DEPTOR: variants seen among roughly 807,000 people sequenced by gnomAD.
DEPTOR encodes DEP domain-containing mTOR-interacting protein.
In DEPTOR, 41 loss-of-function variants were observed where a neutral mutation model predicts 41.6. The observed-to-expected ratio is 0.98, with a 90% CI of 0.77 to 1.28. DEPTOR has a LOEUF of 1.28. DEPTOR is among the 50% of genes most tolerant of loss of function. The probability of loss-of-function intolerance (pLI) is 0.00; values close to 1 mark genes in which losing one functional copy is unlikely to be tolerated. For synonymous variants in DEPTOR, 195 were observed against 192.3 expected (o/e 1.01, Z -0.12); for missense variants, 514 against 527.9 (o/e 0.97, Z 0.26).
chr8:119,947,240 A>G (rs1828291504), intron 3 of DEPTOR, among the ~76,000 whole-genome samples: 1 of 152,236 alleles, frequency 6.6e-6, no homozygotes, highest in Non-Finnish European at 1.5e-5. Flanking sequence ...AAAGGGGGAC[A>G]AGGTAATTGA....
chr8:119,988,826 A>G (rs1207549712), intron 4 of DEPTOR, among the ~76,000 whole-genome samples: 12 of 152,154 alleles, frequency 7.9e-5, no homozygotes, highest in South Asian at 2.1e-4. Flanking sequence ...CCTCCAATTC[A>G]TTTTATAGAT....
chr8:119,906,107 C>T (rs1449241183), intron 1 of DEPTOR, among the ~76,000 whole-genome samples: 2 of 152,072 alleles, frequency 1.3e-5, no homozygotes, highest in Non-Finnish European at 2.9e-5. Flanking sequence ...GTAACAGTTA[C>T]ACACATGTAC....
chr8:119,949,215 T>C (rs773016912), intron 3 of DEPTOR, among the ~76,000 whole-genome samples: 1 of 152,268 alleles, frequency 6.6e-6, no homozygotes, highest in Non-Finnish European at 1.5e-5. Flanking sequence ...AGTACTTCAC[T>C]TCTGTTTATA....
intron 8 of DEPTOR, among the ~76,000 whole-genome samples, chr8:120,036,433 GTGTT>G (rs546588643): frequency 4.7e-4 from 72 of 152,292 alleles, no homozygotes; most frequent in African/African-American, 1.7e-3. Context: ...AGAGAATTCT[GTGTT>G]TGTCCAAGAA....
chr8:119,919,365 A>G (rs969837068), intron 1 of DEPTOR, among the ~76,000 whole-genome samples: 4 of 152,168 alleles, frequency 2.6e-5, no homozygotes, highest in African/African-American at 7.2e-5. Flanking sequence ...TGATCAGTTC[A>G]TTGCCAGTTA....
chr8:120,027,476 G>A (rs1311902948), intron 8 of DEPTOR, among the ~76,000 whole-genome samples: 6 of 151,440 alleles, frequency 4.0e-5, no homozygotes, highest in Admixed American at 2.6e-4. Flanking sequence ...AGGGAGAGGC[G>A]GGTGGATCAC....
chr8:119,958,172 A>G lies in DEPTOR; in HGVS notation c.426-7060A>G, dbSNP rs1185100391. 6.6e-5 allele frequency among the ~76,000 whole-genome samples: 10 copies of G among 152,274 alleles called. No individual in the cohort carries two copies. In the East Asian group the frequency reaches 7.7e-4, roughly 12 times the overall value. ...ACATGGTTTGCGTGGTGGTTACTCT[A>G]TTGGTTTCATGTGGGCACATTCATC... On this transcript the variant is annotated intron_variant, in intron 3 of 8. Coordinates refer to ENST00000286234, the MANE Select transcript of DEPTOR (RefSeq NM_022783.4).
At chr8:119,916,452 G>A (rs1827817119) in intron 1 of DEPTOR, among the ~76,000 whole-genome samples, 1 of 152,196 alleles carries the variant, frequency 6.6e-6, no homozygotes. Context: ...AGCTCTGATA[G>A]TGTATTATGG....
intron 4 of DEPTOR, among the ~76,000 whole-genome samples, chr8:119,994,314 A>G (rs1249464295): frequency 6.6e-6 from 1 of 152,148 alleles, no homozygotes; most frequent in East Asian, 1.9e-4. Flanking sequence ...AAAAAGGTGT[A>G]CAAAAAAAAT....
At chr8:119,972,567 G>A (rs1339694566) in intron 4 of DEPTOR, among the ~76,000 whole-genome samples, 1 of 151,328 alleles carries the variant, frequency 6.6e-6, no homozygotes, top group African/African-American at 2.4e-5. Context: ...AGGTTGCAGT[G>A]AGCCGAGATC....
intron 6 of DEPTOR, among the ~76,000 whole-genome samples, chr8:120,005,768 C>T (rs965218017): frequency 3.3e-5 from 5 of 152,106 alleles, no homozygotes; most frequent in African/African-American, 1.2e-4. Context: ...GGTTCATTAT[C>T]GGTGGGTTTT....
intron 1 of DEPTOR, among the ~76,000 whole-genome samples, chr8:119,925,951 G>A (rs921195024): frequency 1.3e-5 from 2 of 152,132 alleles, no homozygotes; most frequent in African/African-American, 4.8e-5. Flanking sequence ...ATGTCTATGT[G>A]TTCACAATGT....
chr8:119,881,030 A>G (rs1445242404), intron 1 of DEPTOR, among the ~76,000 whole-genome samples: 1 of 152,240 alleles, frequency 6.6e-6, no homozygotes, highest in African/African-American at 2.4e-5. Context: ...GCAACTTACT[A>G]GGCTATGAAT....
chr8:119,943,236 T>C (rs1828226851), intron 3 of DEPTOR, among the ~76,000 whole-genome samples: 1 of 152,194 alleles, frequency 6.6e-6, no homozygotes, highest in Admixed American at 6.5e-5. Flanking sequence ...CTCCCTGCCA[T>C]TGAAGGCCAC....
intron 1 of DEPTOR, among the ~76,000 whole-genome samples, chr8:119,923,882 C>CT (rs1563966803): frequency 9.1e-6 from 1 of 109,576 alleles, no homozygotes. Flanking sequence ...CCTTTCTTTT[C>CT]TTTTTTCTTT....
intron 1 of DEPTOR, among the ~76,000 whole-genome samples, chr8:119,908,916 A>G (rs1296220710): frequency 6.6e-6 from 1 of 152,204 alleles, no homozygotes; most frequent in Admixed American, 6.5e-5. Flanking sequence ...TGTAACTGTG[A>G]TGTAAATCAG....
At chr8:120,045,030 A>G (rs1813133741) in intron 8 of DEPTOR, among the ~76,000 whole-genome samples, 1 of 152,214 alleles carries the variant, frequency 6.6e-6, no homozygotes, top group Non-Finnish European at 1.5e-5. Flanking sequence ...ACAAGATGTC[A>G]TGGGCTTTTT....
intron 3 of DEPTOR, among the ~76,000 whole-genome samples, chr8:119,951,387 G>A (rs1828351918): frequency 6.6e-6 from 1 of 152,100 alleles, no homozygotes; most frequent in Non-Finnish European, 1.5e-5. Flanking sequence ...ATAATTTTGT[G>A]GTGATGAAAC....
At position 119,957,611 on chromosome 8, in the gene DEPTOR, C is replaced by CG. The variant is rs537248411; in HGVS notation, c.426-7621_426-7620insG. On this transcript the variant is annotated intron_variant, in intron 3 of 8. Coordinates refer to ENST00000286234, the MANE Select transcript of DEPTOR (RefSeq NM_022783.4). ...CTTTCTTTCTTTTTTTTTTTTCAGA[C>CG]AGAGTCTTGCTCTGTCGCCCAGGCT... Among the ~76,000 whole-genome samples the CG allele has an allele frequency of 5.5e-3, 795 of 144,514 alleles. 5 individuals are homozygous for CG. The highest frequency in any genetic ancestry group is 0.026 in the South Asian group (118 of 4,550). 94.8% of individuals were successfully genotyped at this position (144,514 alleles called of 152,430 possible).
Sources: allele counts gnomAD v4.1 joint callset (sites outside exome capture counted in the v4.1 genomes callset), GRCh38; gene constraint gnomAD v4.1.1; transcripts MANE v1.5; gene names NCBI Gene and HGNC (gene_info 2026-07-23, HGNC 2026-07-21).